The following ITK variants were observed in gnomAD, a reference collection of about 807,000 sequenced individuals.
ITK encodes IL2 inducible T cell kinase, also known as tyrosine-protein kinase ITK/TSK.
ITK carries 45 observed loss-of-function variants against 87.6 expected under a neutral mutation model. The observed-to-expected ratio is 0.51, with a 90% confidence interval of 0.40 to 0.66. The LOEUF (loss-of-function observed/expected upper bound fraction) is 0.66, where lower values mean the gene tolerates loss of function less well. Ranked by LOEUF, ITK falls within the 30% of genes least tolerant of loss-of-function variation. ITK has a pLI of 0.00. For synonymous variants in ITK, 303 were observed against 273.6 expected (o/e 1.11, Z -1.06); for missense variants, 605 against 766.3 (o/e 0.79, Z 2.48).
chr5:157,207,407 G>GTTTTTTTTTTTTTTT (rs1580884487), intron 1 of ITK, among the ~76,000 whole-genome samples: 1 of 34,038 alleles, frequency 2.9e-5, no homozygotes, highest in African/African-American at 9.9e-5. Context: ...TTTTTTTTGA[G>GTTTTTTTTTTTTTTT]TCTTGCTCTG....
intron 8 of ITK, among the ~76,000 whole-genome samples, chr5:157,237,243 C>A (rs555971439): frequency 6.6e-6 from 1 of 152,286 alleles, no homozygotes; most frequent in South Asian, 2.1e-4. Flanking sequence ...CATTCTGCAG[C>A]AACATAGATG....
chr5:157,202,901 T>C (rs1754004011), intron 1 of ITK, among the ~76,000 whole-genome samples: 1 of 152,214 alleles, frequency 6.6e-6, no homozygotes, highest in Non-Finnish European at 1.5e-5. Flanking sequence ...TTATCCCTGT[T>C]CACAATTCCA....
chr5:157,188,131 C>G (rs1753682896), intron 1 of ITK, among the ~76,000 whole-genome samples: 1 of 152,166 alleles, frequency 6.6e-6, no homozygotes, highest in Non-Finnish European at 1.5e-5. Context: ...ACTACCCAGG[C>G]ATTTTTACTT....
In ITK at chr5:157,210,381, G is replaced by A. The variant is rs568801963; in HGVS notation, c.244-906G>A. Among the ~76,000 whole-genome samples, 3 of 152,126 alleles carry A rather than the reference G, an allele frequency of 2.0e-5. No homozygotes were observed. In the East Asian group the frequency reaches 5.8e-4, roughly 29 times the overall value. Reference sequence around the variant, plus strand: ...TTTCTACTAGAAAAGTGACCCTCATGAGTTGGAATTTTGAGGACTGAAAAT... The same window carrying A: ...TTTCTACTAGAAAAGTGACCCTCATAAGTTGGAATTTTGAGGACTGAAAAT... On this transcript the variant is annotated intron_variant, in intron 2 of 16. Coordinates refer to ENST00000422843, the MANE Select transcript of ITK (RefSeq NM_005546.4).
intron 5 of ITK, 174 bp from the exon 6 acceptor site, chr5:157,222,689 A>T: frequency 1.5e-6 from 1 of 656,060 alleles, no homozygotes; most frequent in Non-Finnish European, 2.7e-6. Flanking sequence ...AGAATGAGCA[A>T]TGTGATGAAT....
rs140464697 is a variant in ITK at position 157,208,998 on chromosome 5, G to A, written c.243+5G>A. 6.2e-5 allele frequency: 98 copies of A among 1,580,362 alleles called. No individual in the cohort carries two copies. In the East Asian group the frequency reaches 2.2e-3, roughly 35 times the overall value. ...CACTATAAATACCCGTTTCAGGTAA[G>A]TCCATCAGGTGGGTAGTTCCCCATT... is the stretch of plus-strand genomic sequence containing the variant. On this transcript the variant is annotated splice_donor_5th_base_variant and intron_variant, in intron 2 of 16. Coordinates refer to ENST00000422843, the MANE Select transcript of ITK (RefSeq NM_005546.4).
At chr5:157,200,011 G>T (rs151233633) in intron 1 of ITK, among the ~76,000 whole-genome samples, 247 of 151,884 alleles carry the variant, frequency 1.6e-3, no homozygotes, top group Non-Finnish European at 2.7e-3. Context: ...CCTTCTCTGT[G>T]AGATCTATTG....
At chr5:157,205,525 T>A (rs1032121101) in intron 1 of ITK, among the ~76,000 whole-genome samples, 1 of 152,206 alleles carries the variant, frequency 6.6e-6, no homozygotes, top group East Asian at 1.9e-4. Context: ...GAGAAACATA[T>A]GAAGACATGA....
intron 6 of ITK, among the ~76,000 whole-genome samples, chr5:157,227,894 G>C (rs532556855): frequency 7.7e-6 from 1 of 130,242 alleles, no homozygotes; most frequent in African/African-American, 3.0e-5. Context: ...GCAGTGGCAC[G>C]ATCTCGGCTC....
At chr5:157,237,208 C>A (rs979617660) in intron 8 of ITK, among the ~76,000 whole-genome samples, 2 of 152,152 alleles carry the variant, frequency 1.3e-5, no homozygotes, top group Admixed American at 6.5e-5. Flanking sequence ...GGGTAACATG[C>A]GCCCTGAAAA....
intron 3 of ITK, among the ~76,000 whole-genome samples, chr5:157,211,782 C>A (rs1415823606): frequency 6.6e-6 from 1 of 152,146 alleles, no homozygotes; most frequent in Non-Finnish European, 1.5e-5. Context: ...GTTTAAATCC[C>A]AGTCTGTCAC....
In ITK at chr5:157,222,867, C is replaced by A. The variant is rs377443972; in HGVS notation, c.500C>A (p.Pro167Gln). 2 of 1,613,982 alleles carry A rather than the reference C, an allele frequency of 1.2e-6. No individual in the cohort carries two copies. Among genetic ancestry groups the A allele is most frequent in the South Asian group, 2.2e-5 (2 of 91,078 alleles). ...LPPTPEDNRRPLWEPEETVVI... is the reference protein window; with the variant it reads ...LPPTPEDNRRQLWEPEETVVI... The stretch of plus-strand genomic sequence containing the variant: ...TTTGTTGTCTCTCTTCCCCAGCGAC[C>A]ACTTTGGGAACCTGAAGAAACTGTG... The change falls in exon 6 of 17, where the codon CCA becomes CAA. Residue 167 changes from proline (P) to glutamine (Q), a missense_variant. Pro to Gln is a moderately conservative substitution (Grantham distance 76). Around this residue, in one of 3 missense-constraint regions of ITK, gnomAD observed 464 missense variants for 578.0 expected, o/e 0.80. Transcript: ENST00000422843.
At chr5:157,210,070 C>T (rs1168633129) in intron 2 of ITK, among the ~76,000 whole-genome samples, 3 of 152,046 alleles carry the variant, frequency 2.0e-5, no homozygotes, top group Non-Finnish European at 4.4e-5. Flanking sequence ...GGACTACGGG[C>T]GTGTGCCAAC....
At chr5:157,202,276 C>T (rs1293559143) in intron 1 of ITK, among the ~76,000 whole-genome samples, 2 of 152,098 alleles carry the variant, frequency 1.3e-5, no homozygotes, top group African/African-American at 2.4e-5. Context: ...TGCAGTGGCA[C>T]GATCTCAGCT....
chr5:157,248,110 A>C (rs1755059113), intron 15 of ITK, among the ~76,000 whole-genome samples: 1 of 152,184 alleles, frequency 6.6e-6, no homozygotes, highest in Admixed American at 6.5e-5. Flanking sequence ...ATTTTTATTC[A>C]GGTGTTTTGG....
At chr5:157,207,377 CTTTTTT>C (rs536290068) in intron 1 of ITK, among the ~76,000 whole-genome samples, 4 of 59,140 alleles carry the variant, frequency 6.8e-5, no homozygotes, top group South Asian at 1.0e-3. Flanking sequence ...AGATACGTCT[CTTTTTT>C]TTTTTTTTTT....
At chr5:157,207,377 CTTTTTTTT>C (rs536290068) in intron 1 of ITK, among the ~76,000 whole-genome samples, 3 of 59,126 alleles carry the variant, frequency 5.1e-5, no homozygotes, top group South Asian at 1.0e-3. Context: ...AGATACGTCT[CTTTTTTTT>C]TTTTTTTTTT....
In ITK at chr5:157,243,641, C is replaced by T; in HGVS notation, c.1079C>T (p.Pro360Leu). ...GLRYGKWVID[P>L]SELTFVQEIG... The stretch of plus-strand genomic sequence containing the variant: ...CTTCCAGGGAAATGGGTGATCGACC[C>T]CTCAGAGCTCACTTTTGTGCAAGAG... Residue 360 changes from proline (P) to leucine (L), a missense_variant, in exon 12 of 17, where the codon CCC (proline) becomes CTC (leucine). By Grantham distance (98) the Pro-to-Leu change is moderately conservative. Transcript: ENST00000422843. 6.2e-7 allele frequency: 1 copy of T among 1,612,830 alleles called. No homozygotes were observed. Among genetic ancestry groups the T allele is most frequent in the Non-Finnish European group, 8.5e-7 (1 of 1,179,982 alleles).
intron 3 of ITK, 110 bp downstream of exon 3, chr5:157,211,478 CT>C: frequency 1.0e-6 from 1 of 955,248 alleles, no homozygotes; most frequent in Non-Finnish European, 1.7e-6. Flanking sequence ...GCTGATTTCT[CT>C]TTTGGGGTTG....
Sources: gnomAD v4.1 joint callset for allele counts (sites outside exome capture counted in the v4.1 genomes callset) on GRCh38, gnomAD v4.1.1 for gene constraint, gnomAD v4.1.1 regional missense constraint, MANE v1.5 for transcripts, NCBI Gene and HGNC (gene_info 2026-07-23, HGNC 2026-07-21) for gene names.